Variants in CD33 observed in about 807,000 individuals in gnomAD.
The protein encoded by CD33 is CD33 molecule.
In CD33, 25 loss-of-function variants were observed where a neutral mutation model predicts 31.4. The observed-to-expected ratio is 0.80, with a 90% CI of 0.58 to 1.11. The LOEUF (loss-of-function observed/expected upper bound fraction) is 1.11, where lower values mean the gene tolerates loss of function less well. CD33 is among the 50% of genes most tolerant of loss of function. The pLI, the probability that CD33 is intolerant of heterozygous loss-of-function variation, is 0.00. For synonymous variants in CD33, 176 were observed against 180.6 expected, an observed-to-expected ratio of 0.97 and a Z score of 0.20; for missense variants, 407 against 448.1, an observed-to-expected ratio of 0.91 and a Z score of 0.83.
At chr19:51,223,376 T>A (rs1980781763), upstream of CD33, among the ~76,000 whole-genome samples, 1 of 152,220 alleles carries the variant, frequency 6.6e-6, no homozygotes, top group Non-Finnish European at 1.5e-5. Context: ...AATGAAGAGT[T>A]ATCTAGATAC....
chr19:51,239,602 G>C lies in CD33; in HGVS notation c.1009G>C (p.Glu337Gln), dbSNP rs559170045. 3 of 1,613,812 alleles carry C rather than the reference G, an allele frequency of 1.9e-6. No homozygotes were observed. Among genetic ancestry groups the C allele is most frequent in the Middle Eastern group, 1.6e-4 (1 of 6,062 alleles). The change falls in exon 7 of 7, where the codon GAG (glutamate) becomes CAG (glutamine). Residue 337 changes from glutamate to glutamine, a missense_variant. By Grantham distance (29) the Glu-to-Gln change is conservative. Coordinates refer to ENST00000262262, the MANE Select transcript of CD33 (RefSeq NM_001772.4). ...GAAPTVEMDE[E>Q]LHYASLNFHG... ...CGCCCCTACTGTGGAGATGGATGAGGAGCTGCATTATGCTTCCCTCAACTT... is the reference window on the plus strand; with the variant it reads ...CGCCCCTACTGTGGAGATGGATGAGCAGCTGCATTATGCTTCCCTCAACTT...
chr19:51,234,677 C>A (rs1181854909), intron 4 of CD33, among the ~76,000 whole-genome samples: 9 of 152,156 alleles, frequency 5.9e-5, no homozygotes, highest in Admixed American at 5.9e-4. Context: ...GGAGAACTGT[C>A]TGGGTCTAAG....
chr19:51,220,039 T>C, the CD33 span, among the ~76,000 whole-genome samples: 3 of 152,230 alleles, frequency 2.0e-5, no homozygotes, highest in African/African-American at 7.2e-5. Context: ...ACTGGCTTCA[T>C]AGAATGAGTC....
At position 51,225,865 on chromosome 19, in the gene CD33, C is replaced by T; in HGVS notation, c.481C>T (p.Leu161=). The change falls in exon 3 of 7, where the codon CTG becomes TTG. Residue 161 remains leucine (L), a synonymous_variant. Transcript: ENST00000262262. Reference sequence around the variant, plus strand: ...TCTAGAACCCGGCCACTCCAAAAACCTGACCTGCTCTGTGTCCTGGGCCTG... The same window carrying T: ...TCTAGAACCCGGCCACTCCAAAAACTTGACCTGCTCTGTGTCCTGGGCCTG... The part of the protein sequence containing the change: ...GTLEPGHSKN[L]TCSVSWACEQ... 1 of 1,614,140 alleles carries T rather than the reference C, an allele frequency of 6.2e-7. No homozygotes were observed. Among genetic ancestry groups the T allele is most frequent in the East Asian group, 2.2e-5 (1 of 44,868 alleles).
the CD33 span, among the ~76,000 whole-genome samples, chr19:51,217,217 G>A: frequency 6.6e-6 from 1 of 152,140 alleles, no homozygotes; most frequent in African/African-American, 2.4e-5. Flanking sequence ...ATGAGGTCTT[G>A]AACCAGACAG....
chr19:51,216,565 G>GTAGA, the CD33 span, among the ~76,000 whole-genome samples: 1 of 151,924 alleles, frequency 6.6e-6, no homozygotes, highest in African/African-American at 2.4e-5. Context: ...AAAATTAGGT[G>GTAGA]GGCATGGTGG....
At chr19:51,227,821 A>G (rs894124794) in intron 4 of CD33, among the ~76,000 whole-genome samples, 3 of 151,760 alleles carry the variant, frequency 2.0e-5, no homozygotes, top group Admixed American at 6.6e-5. Context: ...CATTTCCCCT[A>G]TGTTTTTTTC....
chr19:51,239,395 G>A (rs2049268734), intron 6 of CD33, 123 bp from the exon 7 acceptor site: 2 of 648,694 alleles, frequency 3.1e-6, no homozygotes, highest in South Asian at 5.3e-5. Flanking sequence ...AACATTTGAT[G>A]AAAGAATGAA....
chr19:51,238,697 C>G (rs73932889), intron 6 of CD33: 1 of 152,308 alleles, frequency 6.6e-6, no homozygotes, highest in African/African-American at 2.4e-5. Context: ...GGAGGAAGAT[C>G]TCTTGACTAG....
rs1980901368 is a variant in CD33 at position 51,225,218 on chromosome 19, G to A, written c.38G>A (p.Gly13Glu). 3.7e-6 allele frequency: 6 copies of A among 1,613,228 alleles called. No homozygotes were observed. The highest frequency in any genetic ancestry group is 5.1e-6 in the Non-Finnish European group (6 of 1,179,454). Residue 13 changes from glycine (G) to glutamate (E), a missense_variant and splice_region_variant, in exon 2 of 7, where the codon GGG becomes GAG. Coordinates refer to ENST00000262262, the MANE Select transcript of CD33 (RefSeq NM_001772.4). ...LLLLLPLLWA[G>E]ALAMDPNFWL... ...CGAGCTGACCCTCGTTTCCCCACAG[G>A]GGCCCTGGCTATGGATCCAAATTTC... is the stretch of plus-strand genomic sequence containing the variant.
the CD33 span, among the ~76,000 whole-genome samples, chr19:51,213,067 C>T: frequency 4.6e-5 from 7 of 152,132 alleles, no homozygotes; most frequent in African/African-American, 1.7e-4. Flanking sequence ...CTAGCTTAGA[C>T]GTTCTTTTTA....
chr19:51,227,643 C>A (rs958351021), intron 4 of CD33, among the ~76,000 whole-genome samples: 8 of 152,148 alleles, frequency 5.3e-5, no homozygotes, highest in African/African-American at 1.9e-4. Context: ...GAATAGCTGA[C>A]AAATATTTTC....
At chr19:51,223,127 G>GGA (rs1980765784), upstream of CD33, among the ~76,000 whole-genome samples, 1 of 152,010 alleles carries the variant, frequency 6.6e-6, no homozygotes, top group Admixed American at 6.5e-5. Context: ...GGATGACGTG[G>GGA]GAGAGTCACT....
chr19:51,218,517 G>C, the CD33 span, among the ~76,000 whole-genome samples: 2 of 152,122 alleles, frequency 1.3e-5, no homozygotes, highest in South Asian at 4.1e-4. Context: ...CTATGCAGAA[G>C]CTTTTTAGTT....
At chr19:51,221,211 A>G (rs774434826), upstream of CD33, among the ~76,000 whole-genome samples, 1 of 152,244 alleles carries the variant, frequency 6.6e-6, no homozygotes, top group Non-Finnish European at 1.5e-5. Flanking sequence ...GAGCCAAAAT[A>G]TATCTGTTTT....
chr19:51,231,442 C>G (rs563503223), intron 4 of CD33, among the ~76,000 whole-genome samples: 2 of 152,362 alleles, frequency 1.3e-5, no homozygotes, highest in Admixed American at 1.3e-4. Flanking sequence ...TCTTTTCATT[C>G]ATTCAGGCAG....
At chr19:51,216,386 T>G in the CD33 span, among the ~76,000 whole-genome samples, 1 of 152,068 alleles carries the variant, frequency 6.6e-6, no homozygotes, top group Non-Finnish European at 1.5e-5. Context: ...GGTTCACTGG[T>G]AGACATAGCA....
intron 4 of CD33, among the ~76,000 whole-genome samples, chr19:51,234,087 A>G (rs914198419): frequency 2.0e-4 from 30 of 152,060 alleles, no homozygotes; most frequent in African/African-American, 7.0e-4. Flanking sequence ...TTTCACAGCA[A>G]AATTGAGTGG....
rs1980965983 is a variant in CD33 at position 51,225,814 on chromosome 19, A to G, written c.430A>G (p.Arg144Gly). Residue 144 changes from arginine to glycine, a missense_variant, in exon 3 of 7, where the codon AGG becomes GGG. By Grantham distance (125) the Arg-to-Gly change is moderately radical. Coordinates refer to ENST00000262262, the MANE Select transcript of CD33 (RefSeq NM_001772.4). ...TTTCTCCTCACTAGACTTGACCCAC[A>G]GGCCCAAAATCCTCATCCCTGGCAC... ...LSVHVTDLTH[R>G]PKILIPGTLE... 6.2e-7 allele frequency: 1 copy of G among 1,613,436 alleles called. No individual in the cohort carries two copies. The highest frequency in any genetic ancestry group is 1.1e-5 in the South Asian group (1 of 91,040).
Sources: gnomAD v4.1 joint callset for allele counts (sites outside exome capture counted in the v4.1 genomes callset) on GRCh38, gnomAD v4.1.1 for gene constraint, MANE v1.5 for transcripts, NCBI Gene and HGNC (gene_info 2026-07-23, HGNC 2026-07-21) for gene names.